CLDN10: variants seen among roughly 807,000 people sequenced by gnomAD.
CLDN10 encodes claudin-10.
CLDN10 carries 15 observed loss-of-function variants against 22.9 expected under a neutral mutation model. The ratio of observed to expected loss-of-function variants is 0.65; its 90% CI spans 0.44 to 1.01. The LOEUF is 1.01. Ranked by LOEUF, CLDN10 falls within the 50% of genes least tolerant of loss-of-function variation. The pLI is 0.00. For missense variants in CLDN10, 247 were observed against 287.8 expected (o/e 0.86, Z 1.03); for synonymous variants, 114 against 111.4 (o/e 1.02, Z -0.15).
chr13:95,569,274 G>A (rs374606237), intron 3 of CLDN10, among the ~76,000 whole-genome samples: 6 of 152,282 alleles, frequency 3.9e-5, no homozygotes, highest in Middle Eastern at 3.4e-3. Flanking sequence ...CACGTTTGAA[G>A]GGGACCTAGC....
intron 1 of CLDN10, among the ~76,000 whole-genome samples, chr13:95,526,967 T>G (rs1399240012): frequency 6.6e-6 from 1 of 152,102 alleles, no homozygotes; most frequent in African/African-American, 2.4e-5. Context: ...CCCCAGAGAG[T>G]ATACTTCCAG....
intron 3 of CLDN10, among the ~76,000 whole-genome samples, chr13:95,574,685 G>A (rs950725226): frequency 2.0e-5 from 3 of 152,178 alleles, no homozygotes; most frequent in Non-Finnish European, 4.4e-5. Context: ...CAGGAGAATC[G>A]CTTGAACTCG....
At chr13:95,463,763 AG>A (rs1244618685) in intron 1 of CLDN10, among the ~76,000 whole-genome samples, 1 of 152,136 alleles carries the variant, frequency 6.6e-6, no homozygotes, top group Non-Finnish European at 1.5e-5. Context: ...ATCTCTTGGC[AG>A]TGACCCAATA....
chr13:95,561,942 T>C (rs990929756), intron 3 of CLDN10, among the ~76,000 whole-genome samples: 2 of 151,566 alleles, frequency 1.3e-5, no homozygotes, highest in Non-Finnish European at 2.9e-5. Flanking sequence ...TTTTTTTTTT[T>C]TTTGAGATGG....
intron 3 of CLDN10, among the ~76,000 whole-genome samples, chr13:95,567,405 T>C (rs948825218): frequency 2.6e-5 from 4 of 152,216 alleles, no homozygotes; most frequent in Admixed American, 2.0e-4. Flanking sequence ...AGTTCACTCA[T>C]GATTTGGCTC....
intron 1 of CLDN10, among the ~76,000 whole-genome samples, chr13:95,447,402 G>A (rs770701937): frequency 6.6e-6 from 1 of 152,142 alleles, no homozygotes. Flanking sequence ...GCTCCTGGTG[G>A]TCAGCTGCTG....
At chr13:95,570,451 C>T (rs980824935) in intron 3 of CLDN10, among the ~76,000 whole-genome samples, 1 of 152,134 alleles carries the variant, frequency 6.6e-6, no homozygotes, top group African/African-American at 2.4e-5. Context: ...AAAGATTAGC[C>T]AACATTAGAT....
intron 1 of CLDN10, among the ~76,000 whole-genome samples, chr13:95,499,847 T>C (rs1300942984): frequency 1.3e-5 from 2 of 152,146 alleles, no homozygotes; most frequent in African/African-American, 4.8e-5. Context: ...TCTTTTGGCT[T>C]CTCTGGGCCA....
At chr13:95,557,625 G>A (rs950816502) in intron 1 of CLDN10, among the ~76,000 whole-genome samples, 3 of 152,100 alleles carry the variant, frequency 2.0e-5, no homozygotes, top group African/African-American at 7.2e-5. Context: ...CTGGAGAAAG[G>A]TACCTCATTT....
chr13:95,455,780 A>C (rs2042477065), intron 1 of CLDN10, among the ~76,000 whole-genome samples: 1 of 152,240 alleles, frequency 6.6e-6, no homozygotes, highest in Non-Finnish European at 1.5e-5. Flanking sequence ...GAAAAGAGAA[A>C]TGGAAACAGA....
At chr13:95,556,676 C>A (rs1225535906) in intron 1 of CLDN10, among the ~76,000 whole-genome samples, 1 of 152,168 alleles carries the variant, frequency 6.6e-6, no homozygotes, top group Non-Finnish European at 1.5e-5. Context: ...TAAATAGAAG[C>A]ACCAGAGGTG....
intron 1 of CLDN10, among the ~76,000 whole-genome samples, chr13:95,443,178 T>C (rs1890372): frequency 0.44 from 66,885 of 151,712 alleles, 14,905 homozygotes; most frequent in South Asian, 0.49. Flanking sequence ...TGGTGCTAGC[T>C]CCCAAATTTG....
chr13:95,441,180 A>T (rs1174308576), intron 1 of CLDN10, among the ~76,000 whole-genome samples: 1 of 152,214 alleles, frequency 6.6e-6, no homozygotes, highest in Admixed American at 6.5e-5. Context: ...TTCTCATGTC[A>T]CCAAGTTCTA....
rs1433308633 is a variant in CLDN10 at position 95,495,731 on chromosome 13, C to G, written c.214+61684C>G. On this transcript the variant is annotated intron_variant, in intron 1 of 4. Transcript: ENST00000376873. ...TGCACTCTAGCCTGGGCGACAGAGCCAGACTCCACCTCAAAAAAAAAAAAA... is the reference window on the plus strand; with the variant it reads ...TGCACTCTAGCCTGGGCGACAGAGCGAGACTCCACCTCAAAAAAAAAAAAA... 2.3e-5 allele frequency among the ~76,000 whole-genome samples: 3 copies of G among 129,634 alleles called. 1 individual carries two copies. The Admixed American group carries it at 2.7e-4, about 12-fold the overall frequency. 85.0% of individuals were successfully genotyped at this position (129,634 alleles called of 152,430 possible).
At chr13:95,534,568 G>A (rs879834237) in intron 1 of CLDN10, among the ~76,000 whole-genome samples, 7 of 151,958 alleles carry the variant, frequency 4.6e-5, no homozygotes, top group Non-Finnish European at 1.0e-4. Context: ...TCCATCTTCA[G>A]AAACTGATTG....
At chr13:95,529,645 C>A (rs557411406) in intron 1 of CLDN10, among the ~76,000 whole-genome samples, 6 of 152,086 alleles carry the variant, frequency 3.9e-5, no homozygotes, top group African/African-American at 1.2e-4. Context: ...TTTTCCATTC[C>A]CCAAAAGTCT....
At chr13:95,554,005 G>A (rs909031822) in intron 1 of CLDN10, among the ~76,000 whole-genome samples, 5 of 152,146 alleles carry the variant, frequency 3.3e-5, no homozygotes, top group Non-Finnish European at 7.3e-5. Context: ...GCACTTGCAG[G>A]TTTTGTTTAC....
chr13:95,553,975 T>A (rs1324598815), intron 1 of CLDN10, among the ~76,000 whole-genome samples: 1 of 152,200 alleles, frequency 6.6e-6, no homozygotes, highest in Non-Finnish European at 1.5e-5. Flanking sequence ...AGATTTGAGG[T>A]GTTTTTTTCT....
At chr13:95,460,809 G>A (rs917495512) in intron 1 of CLDN10, among the ~76,000 whole-genome samples, 7 of 151,986 alleles carry the variant, frequency 4.6e-5, no homozygotes, top group Non-Finnish European at 8.8e-5. Context: ...ACCGCACTCA[G>A]CTAAAATTTT....
Sources: allele counts gnomAD v4.1 joint callset (sites outside exome capture counted in the v4.1 genomes callset), GRCh38; gene constraint gnomAD v4.1.1; transcripts MANE v1.5; gene names NCBI Gene and HGNC (gene_info 2026-07-23, HGNC 2026-07-21).